Variants in ITSN1 observed in about 807,000 individuals in gnomAD.
ITSN1 encodes intersectin 1.
ITSN1 carries 58 observed loss-of-function variants against 239.8 expected under a neutral mutation model. The observed-to-expected ratio is 0.24, with a 90% CI of 0.20 to 0.30. The LOEUF is 0.30. Among genes scored for constraint, ITSN1 ranks in the 10% least tolerant of loss-of-function variants. The probability of loss-of-function intolerance (pLI) is 1.00; values close to 1 mark genes in which losing one functional copy is unlikely to be tolerated. For synonymous variants in ITSN1, 780 were observed against 770.8 expected (o/e 1.01, Z -0.20); for missense variants, 1,558 against 2,103.3 (o/e 0.74, Z 5.07).
chr21:33,892,384 T>G lies in ITSN1; in HGVS notation c.*4084T>G, dbSNP rs1215961632. 1 of 152,260 alleles carries G rather than the reference T, an allele frequency of 6.6e-6. No individual in the cohort carries two copies. The highest frequency in any genetic ancestry group is 1.5e-5 in the Non-Finnish European group (1 of 68,054). The allele number at this position is 152,260 out of a possible 1,614,324, so 9.4% of individuals were successfully genotyped here. On this transcript the variant is annotated 3_prime_UTR_variant, in exon 40 of 40. Coordinates refer to ENST00000381318, the MANE Select transcript of ITSN1 (RefSeq NM_003024.3). ...AGAGACTTCCCCTTACTTCCATGAA[T>G]GGCCCAGGGGCTGCTTAGTATATCA... is the stretch of plus-strand genomic sequence containing the variant.
chr21:33,666,383 T>C (rs891964075), intron 1 of ITSN1, among the ~76,000 whole-genome samples: 1 of 152,244 alleles, frequency 6.6e-6, no homozygotes, highest in African/African-American at 2.4e-5. Context: ...ACTTCATGAT[T>C]GTCTGAGATG....
chr21:33,692,056 G>T (rs1177221642), intron 1 of ITSN1, among the ~76,000 whole-genome samples: 1 of 152,148 alleles, frequency 6.6e-6, no homozygotes, highest in Non-Finnish European at 1.5e-5. Flanking sequence ...TCAGATGGGG[G>T]TGATTCTCAC....
At chr21:33,810,191 G>A (rs1291807028) in intron 20 of ITSN1, among the ~76,000 whole-genome samples, 3 of 152,182 alleles carry the variant, frequency 2.0e-5, no homozygotes, top group East Asian at 1.9e-4. Flanking sequence ...AAGTAGAATC[G>A]TTTTGGCCAT....
chr21:33,838,458 A>G (rs2074708028), intron 29 of ITSN1: 2 of 982,266 alleles, frequency 2.0e-6, no homozygotes, highest in South Asian at 4.7e-5. Flanking sequence ...CTTTTGAATT[A>G]GTTCCGTGTA....
chr21:33,811,073 A>G lies in ITSN1; in HGVS notation c.2418A>G (p.Glu806=), dbSNP rs2148188346. 1 of 1,614,222 alleles carries G rather than the reference A, an allele frequency of 6.2e-7. No individual in the cohort carries two copies. The highest frequency in any genetic ancestry group is 1.3e-5 in the African/African-American group (1 of 75,058). ...CAAACTATGCAGAGAAAATCCCAGA[A>G]AATGAGGTTCCCGCTCCAGTGAAAC... ...FPANYAEKIP[E]NEVPAPVKPV... Residue 806 remains glutamate, a synonymous_variant, in exon 21 of 40, where the codon GAA becomes GAG. Transcript: ENST00000381318.
intron 18 of ITSN1, among the ~76,000 whole-genome samples, chr21:33,798,175 G>A (rs1483121099): frequency 3.3e-5 from 5 of 151,984 alleles, no homozygotes; most frequent in Non-Finnish European, 7.4e-5. Context: ...ATAGTTAAAT[G>A]CAGCTTCAAA....
At chr21:33,773,285 G>A (rs1352706263) in intron 12 of ITSN1, among the ~76,000 whole-genome samples, 2 of 152,002 alleles carry the variant, frequency 1.3e-5, no homozygotes, top group Non-Finnish European at 2.9e-5. Context: ...TGGGATTACA[G>A]GCATGAGCCA....
intron 29 of ITSN1, among the ~76,000 whole-genome samples, chr21:33,854,287 G>A (rs555709776): frequency 1.5e-4 from 23 of 152,274 alleles, no homozygotes; most frequent in South Asian, 6.2e-4. Context: ...AAACATCACC[G>A]CACCGTGTTT....
chr21:33,799,328 G>A (rs2071799930), intron 18 of ITSN1, among the ~76,000 whole-genome samples: 1 of 152,190 alleles, frequency 6.6e-6, no homozygotes, highest in Non-Finnish European at 1.5e-5. Flanking sequence ...CCAGGTTAAA[G>A]AGCCTAAAAC....
chr21:33,855,020 C>T (rs1423327646), intron 29 of ITSN1, among the ~76,000 whole-genome samples: 7 of 152,138 alleles, frequency 4.6e-5, no homozygotes, highest in African/African-American at 1.7e-4. Flanking sequence ...CACCACAACC[C>T]GAGAGTTAAC....
intron 33 of ITSN1, among the ~76,000 whole-genome samples, chr21:33,869,010 C>G (rs993837261): frequency 2.6e-5 from 4 of 151,412 alleles, no homozygotes; most frequent in Non-Finnish European, 5.9e-5. Flanking sequence ...ATCACAGAAA[C>G]AGTCTGTGGT....
intron 31 of ITSN1, among the ~76,000 whole-genome samples, chr21:33,862,808 A>G (rs926403134): frequency 6.6e-6 from 1 of 152,302 alleles, no homozygotes; most frequent in Middle Eastern, 3.4e-3. Flanking sequence ...AGTTTCCCCA[A>G]TAGGAAATGG....
intron 33 of ITSN1, among the ~76,000 whole-genome samples, chr21:33,868,968 A>ATT (rs113260238): frequency 1.1e-4 from 16 of 149,518 alleles, no homozygotes; most frequent in Middle Eastern, 3.5e-3. Flanking sequence ...TCTTTTTTTA[A>ATT]TTTTTTTTTT....
At chr21:33,707,338 C>T (rs552670352) in intron 1 of ITSN1, among the ~76,000 whole-genome samples, 2 of 152,072 alleles carry the variant, frequency 1.3e-5, no homozygotes, top group African/African-American at 2.4e-5. Context: ...GTTGCCCAGG[C>T]TAGTCTTGAA....
chr21:33,809,800 A>AC (rs1555928311), intron 20 of ITSN1, among the ~76,000 whole-genome samples: 1 of 150,572 alleles, frequency 6.6e-6, no homozygotes, highest in East Asian at 1.9e-4. Flanking sequence ...TGAAAATAAA[A>AC]TTTTTTTTTT....
chr21:33,675,426 G>A (rs1193086030), intron 1 of ITSN1, among the ~76,000 whole-genome samples: 4 of 152,074 alleles, frequency 2.6e-5, no homozygotes, highest in African/African-American at 9.7e-5. Context: ...AATTAGCCAG[G>A]TGCAGTGGCG....
At chr21:33,854,738 A>C (rs1197843095) in intron 29 of ITSN1, among the ~76,000 whole-genome samples, 1 of 152,232 alleles carries the variant, frequency 6.6e-6, no homozygotes, top group Non-Finnish European at 1.5e-5. Flanking sequence ...CAGTTGGGCC[A>C]AACCCGTGGC....
chr21:33,856,350 TA>T (rs1181974658), intron 29 of ITSN1, among the ~76,000 whole-genome samples: 2 of 152,086 alleles, frequency 1.3e-5, no homozygotes, highest in Non-Finnish European at 2.9e-5. Context: ...GCCGGAAGTC[TA>T]AAATGGAAGA....
At chr21:33,773,633 GCAAGAACC>G (rs1185770591) in intron 12 of ITSN1, among the ~76,000 whole-genome samples, 12 of 151,988 alleles carry the variant, frequency 7.9e-5, no homozygotes, top group Non-Finnish European at 1.2e-4. Flanking sequence ...AGGTGACAGA[GCAAGAACC>G]TGTCTCAAAA....
Sources: allele counts gnomAD v4.1 joint callset (sites outside exome capture counted in the v4.1 genomes callset), GRCh38; gene constraint gnomAD v4.1.1; transcripts MANE v1.5; gene names NCBI Gene and HGNC (gene_info 2026-07-23, HGNC 2026-07-21).